Variants in TENM4 observed in about 807,000 individuals in gnomAD.
The protein encoded by TENM4 is teneurin-4.
A neutral mutation model predicts 243.3 loss-of-function variants in TENM4; 82 were observed. That is an observed-to-expected ratio of 0.34 (90% CI 0.28 to 0.40). The LOEUF is 0.40. Ranked by LOEUF, TENM4 falls within the 10% of genes least tolerant of loss-of-function variation. The probability of loss-of-function intolerance (pLI) is 1.00; values close to 1 mark genes in which losing one functional copy is unlikely to be tolerated. For missense variants in TENM4, 3,138 were observed against 3,673.3 expected (o/e 0.85, Z 3.77); for synonymous variants, 1,412 against 1,456.3 (o/e 0.97, Z 0.69).
chr11:79,031,046 C>T (rs867949308), intron 6 of TENM4, among the ~76,000 whole-genome samples: 1 of 152,314 alleles, frequency 6.6e-6, no homozygotes, highest in East Asian at 1.9e-4. Flanking sequence ...TGACGAAAGC[C>T]TGTCCCTCCC....
intron 9 of TENM4, among the ~76,000 whole-genome samples, chr11:78,879,553 C>G (rs185788782): frequency 1.0e-5 from 1 of 99,556 alleles, no homozygotes; most frequent in Non-Finnish European, 1.9e-5. Flanking sequence ...ACCCTGTCTG[C>G]GAAGTGGGGA....
At chr11:78,798,641 C>T (rs927869022) in intron 15 of TENM4, among the ~76,000 whole-genome samples, 3 of 152,162 alleles carry the variant, frequency 2.0e-5, no homozygotes, top group African/African-American at 7.2e-5. Flanking sequence ...TTCTTTCCTG[C>T]CACCCACCCC....
At position 79,293,302 on chromosome 11, in the gene TENM4, C is replaced by T. The variant is rs746271732; in HGVS notation, c.-265+4186G>A. Among the ~76,000 whole-genome samples the T allele has an allele frequency of 7.2e-5, 11 of 151,790 alleles. No individual in the cohort carries two copies. The East Asian group carries it at 1.5e-3, about 21-fold the overall frequency. ...GAAGTCAGAAAAAGTAGGATGGGCA[C>T]GGTGGGTCACACTTGGCAACATAGT... On this transcript the variant is annotated intron_variant, in intron 2 of 33. Transcript: ENST00000278550.
chr11:79,178,844 C>T (rs547050649), intron 3 of TENM4, among the ~76,000 whole-genome samples: 1 of 152,196 alleles, frequency 6.6e-6, no homozygotes, highest in Non-Finnish European at 1.5e-5. Context: ...ATGAAGCCAC[C>T]AAACTTTTAT....
At chr11:79,323,054 C>T (rs182723262) in intron 1 of TENM4, among the ~76,000 whole-genome samples, 2 of 152,172 alleles carry the variant, frequency 1.3e-5, no homozygotes, top group African/African-American at 2.4e-5. Flanking sequence ...GTGCTGTAAT[C>T]ATGGGCACTC....
At chr11:79,065,058 G>A (rs974346738) in intron 5 of TENM4, 51 bp from the exon 6 acceptor site, 105 of 1,437,246 alleles carry the variant, frequency 7.3e-5, no homozygotes, top group Non-Finnish European at 2.2e-5. Context: ...TGAGGTCTGC[G>A]TCTGCCTCTG....
chr11:79,281,866 G>T (rs1013977080), intron 2 of TENM4, among the ~76,000 whole-genome samples: 2 of 152,200 alleles, frequency 1.3e-5, no homozygotes, highest in Non-Finnish European at 2.9e-5. Context: ...CCGCCTTCTG[G>T]GGTCTCTCCA....
At chr11:79,127,239 A>T (rs748703898) in intron 4 of TENM4, among the ~76,000 whole-genome samples, 27 of 152,212 alleles carry the variant, frequency 1.8e-4, no homozygotes, top group Non-Finnish European at 3.5e-4. Context: ...TAAATCCAAA[A>T]TAATATCCAT....
intron 9 of TENM4, among the ~76,000 whole-genome samples, chr11:78,886,103 G>A (rs1449752045): frequency 1.3e-5 from 2 of 152,174 alleles, no homozygotes; most frequent in Non-Finnish European, 2.9e-5. Context: ...ATAGGATGTA[G>A]AAAATAATTA....
At chr11:79,407,681 A>T (rs2135566506) in intron 1 of TENM4, among the ~76,000 whole-genome samples, 1 of 152,364 alleles carries the variant, frequency 6.6e-6, no homozygotes, top group Middle Eastern at 3.4e-3. Flanking sequence ...CTTTAATTAC[A>T]TTCACAAAGA....
At chr11:78,901,920 C>T (rs1343729978) in intron 7 of TENM4, among the ~76,000 whole-genome samples, 1 of 152,156 alleles carries the variant, frequency 6.6e-6, no homozygotes, top group Non-Finnish European at 1.5e-5. Flanking sequence ...TAAAGTGGTA[C>T]AAACAATGTT....
intron 1 of TENM4, among the ~76,000 whole-genome samples, chr11:79,340,343 C>T (rs1012875903): frequency 6.6e-6 from 1 of 152,064 alleles, no homozygotes; most frequent in Non-Finnish European, 1.5e-5. Context: ...CTGGAGGGCC[C>T]TTCTGTCAGA....
chr11:78,670,182 T>C lies in TENM4; in HGVS notation c.6163A>G (p.Ile2055Val), dbSNP rs1477830378. The C allele has an allele frequency of 1.9e-6, 3 of 1,613,854 alleles. No homozygotes were observed. Among genetic ancestry groups the C allele is most frequent in the African/African-American group, 2.7e-5 (2 of 74,934 alleles). The change falls in exon 32 of 34, where the codon ATC (isoleucine) becomes GTC (valine). Residue 2055 changes from isoleucine to valine, a missense_variant. By Grantham distance (29) the Ile-to-Val change is conservative (BLOSUM62 3). Around this residue, in one of 2 missense-constraint regions of TENM4, gnomAD observed 2,467 missense variants for 3,059.1 expected, o/e 0.81. Transcript: ENST00000278550. ...AGGGGCCCAATCTGACGGTAGCGGATGGTGCAGGTGAAGCCCTCATTCTGT... is the reference window on the plus strand; with the variant it reads ...AGGGGCCCAATCTGACGGTAGCGGACGGTGCAGGTGAAGCCCTCATTCTGT... ...NLQNEGFTCT[I>V]RYRQIGPLID...
At chr11:78,961,112 T>C (rs1348352281) in intron 6 of TENM4, among the ~76,000 whole-genome samples, 1 of 152,236 alleles carries the variant, frequency 6.6e-6, no homozygotes, top group Non-Finnish European at 1.5e-5. Flanking sequence ...TATCCCTCTT[T>C]GAACCTCTGC....
chr11:79,174,579 T>A (rs1376128726), intron 3 of TENM4, among the ~76,000 whole-genome samples: 1 of 152,138 alleles, frequency 6.6e-6, no homozygotes, highest in Non-Finnish European at 1.5e-5. Context: ...AACCACTGGG[T>A]CAACTGGGCT....
At chr11:78,814,149 A>G (rs1245999427) in intron 13 of TENM4, 145 bp downstream of exon 13, 2 of 698,190 alleles carry the variant, frequency 2.9e-6, no homozygotes, top group Middle Eastern at 4.0e-4. Flanking sequence ...CCTCCCTCCA[A>G]GGGCTTCTGG....
In TENM4 at chr11:78,756,831, G is replaced by T. The variant is rs1436407832; in HGVS notation, c.2730C>A (p.Ile910=). The part of the protein sequence containing the change: ...FLVGRDSTHI[I]PGENPFDGGH... The stretch of plus-strand genomic sequence containing the variant: ...CTCCATCAAAGGGGTTCTCCCCGGG[G>T]ATTATGTGCGTGCTGTCCCTGCCCA... Residue 910 remains isoleucine, a synonymous_variant, in exon 19 of 34, where the codon ATC becomes ATA. Transcript: ENST00000278550. 1 of 1,613,716 alleles carries T rather than the reference G, an allele frequency of 6.2e-7. No individual in the cohort carries two copies. Among genetic ancestry groups the T allele is most frequent in the Non-Finnish European group, 8.5e-7 (1 of 1,179,746 alleles).
At chr11:78,683,862 CAT>C (rs1858587021) in intron 29 of TENM4, among the ~76,000 whole-genome samples, 2 of 152,224 alleles carry the variant, frequency 1.3e-5, no homozygotes, top group South Asian at 2.1e-4. Context: ...GTAAAATACA[CAT>C]AGAGTTTCTT....
At chr11:79,058,816 A>G (rs1339315489) in intron 6 of TENM4, among the ~76,000 whole-genome samples, 1 of 152,196 alleles carries the variant, frequency 6.6e-6, no homozygotes, top group Non-Finnish European at 1.5e-5. Context: ...GGGGGCAAGC[A>G]GCAGAGTAAT....
Sources: allele counts gnomAD v4.1 joint callset (sites outside exome capture counted in the v4.1 genomes callset), GRCh38; gene constraint gnomAD v4.1.1; regional missense constraint gnomAD v4.1.1; transcripts MANE v1.5; gene names NCBI Gene and HGNC (gene_info 2026-07-23, HGNC 2026-07-21).